The following TRAPPC9 variants were observed in gnomAD, a reference collection of about 807,000 sequenced individuals.
The protein encoded by TRAPPC9 is IKK2 binding protein.
A neutral mutation model predicts 124.0 loss-of-function variants in TRAPPC9; 83 were observed. The observed-to-expected ratio is 0.67, with a 90% CI of 0.56 to 0.80. TRAPPC9 has a LOEUF of 0.80. TRAPPC9 is among the 30% of genes least tolerant of loss of function. The pLI is 0.00. For synonymous variants in TRAPPC9, 638 were observed against 617.5 expected, an observed-to-expected ratio of 1.03 and a Z score of -0.49; for missense variants, 1,302 against 1,508.3, an observed-to-expected ratio of 0.86 and a Z score of 2.27.
rs528248550 is a variant in TRAPPC9, at chr8:140,128,704, C to T, written c.2556+92755G>A. 1.7e-4 allele frequency among the ~76,000 whole-genome samples: 26 copies of T among 152,294 alleles called. No individual in the cohort carries two copies. The South Asian group carries it at 5.0e-3, about 29-fold the overall frequency. On this transcript the variant is annotated intron_variant, in intron 17 of 22. Transcript: ENST00000438773. The stretch of plus-strand genomic sequence containing the variant: ...GACTCCCAAGGGGTCGGCATGATTT[C>T]GCCAGTAAATGGCGGAGCCGAGATG...
At chr8:139,883,184 C>T (rs1014429622) in intron 21 of TRAPPC9, among the ~76,000 whole-genome samples, 1 of 152,208 alleles carries the variant, frequency 6.6e-6, no homozygotes, top group South Asian at 2.1e-4. Flanking sequence ...TGAGCTAGCA[C>T]ATGAGTACGC....
chr8:139,921,816 C>G (rs80335706), intron 19 of TRAPPC9, among the ~76,000 whole-genome samples: 2,708 of 151,708 alleles, frequency 0.018, 28 homozygotes, highest in Non-Finnish European at 0.028. Flanking sequence ...CACCTGCCCC[C>G]CTGCTGCCGC....
rs918346427 is a variant in TRAPPC9, at chr8:140,353,323, C to A, written c.1495+6727G>T. Among the ~76,000 whole-genome samples the A allele has an allele frequency of 4.3e-4, 66 of 152,140 alleles. No homozygotes were observed. The highest frequency in any genetic ancestry group is 9.2e-4 in the Admixed American group (14 of 15,272). On this transcript the variant is annotated intron_variant, in intron 9 of 22. Coordinates refer to ENST00000438773, the MANE Select transcript of TRAPPC9 (RefSeq NM_001160372.4). The surrounding 1 kb of genome is among the most constrained non-coding windows in gnomAD (Gnocchi z 4.2). Reference sequence around the variant, plus strand: ...CCCCTCCCATCTCATGGGACCCCCCCCTTTCGTCACTCCTCAGTCTTTTCA... The same window carrying A: ...CCCCTCCCATCTCATGGGACCCCCCACTTTCGTCACTCCTCAGTCTTTTCA...
At chr8:140,290,853 A>T in intron 12 of TRAPPC9, 140 bp downstream of exon 12, 2 of 733,600 alleles carry the variant, frequency 2.7e-6, no homozygotes, top group South Asian at 3.0e-5. Flanking sequence ...TTCATTTACA[A>T]TAAGCTTATA....
At chr8:140,237,206 T>C (rs2063750188) in intron 16 of TRAPPC9, among the ~76,000 whole-genome samples, 1 of 150,348 alleles carries the variant, frequency 6.7e-6, no homozygotes, top group Admixed American at 6.7e-5. Context: ...ATAAATAAAA[T>C]AAAATTGATG....
At chr8:140,053,338 G>A (rs918022800) in intron 17 of TRAPPC9, among the ~76,000 whole-genome samples, 1 of 152,224 alleles carries the variant, frequency 6.6e-6, no homozygotes, top group Non-Finnish European at 1.5e-5. Flanking sequence ...CCAGGAGTGT[G>A]CTGCCTAATT....
intron 11 of TRAPPC9, among the ~76,000 whole-genome samples, chr8:140,293,543 G>A (rs1025361027): frequency 6.6e-6 from 1 of 152,156 alleles, no homozygotes; most frequent in East Asian, 1.9e-4. Flanking sequence ...CCATAAAAAA[G>A]GATGAGTTCA....
rs959672846 is a variant in TRAPPC9 at position 139,847,989 on chromosome 8, G to A, written c.3055+37890C>T. On this transcript the variant is annotated intron_variant, in intron 21 of 22. Coordinates refer to ENST00000438773, the MANE Select transcript of TRAPPC9 (RefSeq NM_001160372.4). ...CCTGGGGCACGTGGGGCCTGGACTT[G>A]GTCTGCCGGAACTGGAACAAGGCCC... Among the ~76,000 whole-genome samples, 28 of 152,228 alleles carry A rather than the reference G, an allele frequency of 1.8e-4. 1 individual carries two copies. Among genetic ancestry groups the A allele is most frequent in the African/African-American group, 6.8e-4 (28 of 41,468 alleles).
At chr8:139,856,557 G>A (rs552097927) in intron 21 of TRAPPC9, among the ~76,000 whole-genome samples, 5 of 152,276 alleles carry the variant, frequency 3.3e-5, no homozygotes, top group African/African-American at 1.2e-4. Context: ...GAGCTCATGG[G>A]TAACACAGGT....
At chr8:140,188,508 A>G (rs541768012) in intron 17 of TRAPPC9, among the ~76,000 whole-genome samples, 1 of 152,292 alleles carries the variant, frequency 6.6e-6, no homozygotes, top group Non-Finnish European at 1.5e-5. Flanking sequence ...TGCACAGCTT[A>G]TATCTTTATC....
chr8:140,455,736 G>C (rs2071636766), intron 1 of TRAPPC9, among the ~76,000 whole-genome samples: 1 of 152,072 alleles, frequency 6.6e-6, no homozygotes, highest in Admixed American at 6.6e-5. Context: ...GCCAGGCACA[G>C]CATTATTCTT....
At chr8:140,458,102 GGAGGGA>G (rs1303347213), upstream of TRAPPC9, among the ~76,000 whole-genome samples, 56 of 139,496 alleles carry the variant, frequency 4.0e-4, 1 homozygote, top group African/African-American at 1.5e-3. Flanking sequence ...GAGGGAGGAG[GGAGGGA>G]AAAAGGAGGG....
chr8:139,756,319 G>A (rs1173659611), intron 21 of TRAPPC9, among the ~76,000 whole-genome samples: 1 of 145,402 alleles, frequency 6.9e-6, no homozygotes, highest in African/African-American at 2.6e-5. Context: ...CAGGGATTGG[G>A]GATGAGGACA....
At chr8:140,074,947 T>C (rs907419461) in intron 17 of TRAPPC9, among the ~76,000 whole-genome samples, 15 of 152,120 alleles carry the variant, frequency 9.9e-5, no homozygotes, top group African/African-American at 3.6e-4. Context: ...GGAAAATTGC[T>C]ACCCAATTTT....
intron 17 of TRAPPC9, among the ~76,000 whole-genome samples, chr8:140,029,889 A>T (rs1266373646): frequency 6.6e-6 from 1 of 152,076 alleles, no homozygotes; most frequent in Non-Finnish European, 1.5e-5. Flanking sequence ...AATGTAAAAA[A>T]TATTTTTAAA....
In TRAPPC9 at chr8:140,097,754, AGAGT is replaced by A. The variant is rs776078553; in HGVS notation, c.2557-73679_2557-73676del. ...CAACCACAGGCGCGCTGCAGTCGGC[AGAGT>A]GAGGAGCCTGCCTGGGTCCTCCATA... On this transcript the variant is annotated intron_variant, in intron 17 of 22. Transcript: ENST00000438773. The surrounding 1 kb of genome is among the most constrained non-coding windows in gnomAD (Gnocchi z 4.2). The A allele has an allele frequency of 6.6e-6, 1 of 152,074 alleles. No individual in the cohort carries two copies. Among genetic ancestry groups the A allele is most frequent in the African/African-American group, 2.4e-5 (1 of 41,392 alleles). 9.4% of individuals were successfully genotyped at this position (152,074 alleles called of 1,614,324 possible). A position where few individuals can be genotyped will look rare whatever the true frequency, so the allele number is the denominator to read the frequency against.
intron 19 of TRAPPC9, among the ~76,000 whole-genome samples, chr8:139,985,585 G>A (rs1837193686): frequency 1.3e-5 from 2 of 152,108 alleles, no homozygotes; most frequent in African/African-American, 4.8e-5. Context: ...CAAGTGACAA[G>A]TCCTTTCCAA....
Position 140,241,039 on chromosome 8 carries a change from CAG to C in TRAPPC9, c.2431+11736_2431+11737del, listed in dbSNP as rs2063844659. Among the ~76,000 whole-genome samples the C allele has an allele frequency of 1.3e-5, 2 of 152,186 alleles. No individual in the cohort carries two copies. The highest frequency in any genetic ancestry group is 4.1e-4 in the South Asian group (2 of 4,828). ...TAAGCTGTCCAGACCAGCCTTTATTCAGGGCCACCCTGTCACCTGCATCCCTG... is the reference window on the plus strand; with the variant it reads ...TAAGCTGTCCAGACCAGCCTTTATTCGGCCACCCTGTCACCTGCATCCCTG... On this transcript the variant is annotated intron_variant, in intron 16 of 22. Transcript: ENST00000438773. The surrounding 1 kb of genome is among the most constrained non-coding windows in gnomAD (Gnocchi z 5.0).
chr8:140,061,157 T>C (rs114866594), intron 17 of TRAPPC9, among the ~76,000 whole-genome samples: 1 of 152,148 alleles, frequency 6.6e-6, no homozygotes, highest in African/African-American at 2.4e-5. Context: ...TGGGGAGCCA[T>C]TGGAAGATTT....
Sources: allele counts gnomAD v4.1 joint callset (sites outside exome capture counted in the v4.1 genomes callset), GRCh38; gene constraint gnomAD v4.1.1; non-coding constraint Gnocchi (gnomAD v3.1); transcripts MANE v1.5; gene names NCBI Gene and HGNC (gene_info 2026-07-23, HGNC 2026-07-21).